Variants in MARK3 observed in about 807,000 individuals in gnomAD.
MARK3 encodes MAP/microtubule affinity-regulating kinase 3.
A neutral mutation model predicts 90.1 loss-of-function variants in MARK3; 46 were observed. That is an observed-to-expected ratio of 0.51 (90% CI 0.40 to 0.65). The LOEUF is 0.65. MARK3 is among the 30% of genes least tolerant of loss of function. The pLI, the probability that MARK3 is intolerant of heterozygous loss-of-function variation, is 0.00. For synonymous variants in MARK3, 321 were observed against 332.6 expected (o/e 0.97, Z 0.38); for missense variants, 818 against 947.2 (o/e 0.86, Z 1.79).
At chr14:103,420,268 G>A (rs950373406) in intron 2 of MARK3, among the ~76,000 whole-genome samples, 1 of 151,570 alleles carries the variant, frequency 6.6e-6, no homozygotes, top group African/African-American at 2.4e-5. Context: ...TTGCTCTGTC[G>A]CCCAGCCTGG....
chr14:103,389,296 A>C (rs2090044480), intron 1 of MARK3, among the ~76,000 whole-genome samples: 1 of 151,422 alleles, frequency 6.6e-6, no homozygotes, highest in Non-Finnish European at 1.5e-5. Flanking sequence ...CCTGGGAGGC[A>C]GAGCTTGCAG....
At chr14:103,396,357 C>G (rs1320009578) in intron 1 of MARK3, among the ~76,000 whole-genome samples, 1 of 151,984 alleles carries the variant, frequency 6.6e-6, no homozygotes, top group African/African-American at 2.4e-5. Flanking sequence ...AAGTCATTTT[C>G]CTTCTTTTTT....
intron 14 of MARK3, among the ~76,000 whole-genome samples, chr14:103,488,719 G>A (rs1438067520): frequency 1.3e-5 from 2 of 152,170 alleles, no homozygotes; most frequent in Non-Finnish European, 2.9e-5. Flanking sequence ...GCCAGGCATA[G>A]TGGCACACTC....
chr14:103,390,988 G>A (rs34161327), intron 1 of MARK3, among the ~76,000 whole-genome samples: 43,091 of 152,058 alleles, frequency 0.28, 7,279 homozygotes, highest in Non-Finnish European at 0.36. Context: ...TGGAATTACA[G>A]GTGTGAGCCA....
At chr14:103,473,025 C>G (rs942664294) in intron 12 of MARK3, among the ~76,000 whole-genome samples, 4 of 148,676 alleles carry the variant, frequency 2.7e-5, no homozygotes, top group Admixed American at 1.3e-4. Flanking sequence ...AAAAAAGGAA[C>G]AAACTATGAT....
chr14:103,494,425 C>T (rs996822105), intron 15 of MARK3, among the ~76,000 whole-genome samples: 1 of 149,828 alleles, frequency 6.7e-6, no homozygotes, highest in African/African-American at 2.5e-5. Flanking sequence ...GTGGCACATG[C>T]CTGTAATCCC....
intron 6 of MARK3, among the ~76,000 whole-genome samples, chr14:103,459,705 G>C (rs2093356243): frequency 6.6e-6 from 1 of 151,462 alleles, no homozygotes; most frequent in African/African-American, 2.4e-5. Flanking sequence ...TAGAGACAAG[G>C]TTTCACCAGT....
At chr14:103,429,618 A>C (rs1224463759) in intron 3 of MARK3, among the ~76,000 whole-genome samples, 4 of 152,222 alleles carry the variant, frequency 2.6e-5, no homozygotes, top group Admixed American at 2.6e-4. Context: ...TCTGCAACCC[A>C]TAATGGGCCT....
intron 15 of MARK3, among the ~76,000 whole-genome samples, chr14:103,493,267 T>TC (rs1280367399): frequency 6.9e-6 from 1 of 145,908 alleles, no homozygotes; most frequent in African/African-American, 2.5e-5. Flanking sequence ...AATTTTTTTT[T>TC]TTTTTTTGAG....
intron 3 of MARK3, among the ~76,000 whole-genome samples, chr14:103,428,800 T>G (rs1377415695): frequency 6.6e-6 from 1 of 152,210 alleles, no homozygotes; most frequent in Admixed American, 6.5e-5. Context: ...TTGTGCAAAT[T>G]TGTACCTTAT....
intron 2 of MARK3, among the ~76,000 whole-genome samples, chr14:103,424,224 A>C (rs916264965): frequency 2.0e-5 from 3 of 151,786 alleles, no homozygotes; most frequent in Non-Finnish European, 2.9e-5. Flanking sequence ...GAAAAAAAAA[A>C]CGCAGAATCA....
At chr14:103,491,066 G>T (rs1354007924) in intron 14 of MARK3, 1 of 1,287,844 alleles carries the variant, frequency 7.8e-7, no homozygotes, top group Non-Finnish European at 1.0e-6. Context: ...CCAAGATGAT[G>T]TTACCTCCAA....
chr14:103,398,150 A>G (rs117821035), intron 1 of MARK3, among the ~76,000 whole-genome samples: 321 of 152,324 alleles, frequency 2.1e-3, no homozygotes, highest in Non-Finnish European at 3.6e-3. Flanking sequence ...CAACTCTGTC[A>G]CCACAAAAAA....
chr14:103,442,195 C>T (rs973785741), intron 3 of MARK3, among the ~76,000 whole-genome samples: 4 of 151,962 alleles, frequency 2.6e-5, no homozygotes, highest in East Asian at 1.9e-4. Context: ...GGTGAAGCCC[C>T]GTCTCTACTA....
intron 15 of MARK3, among the ~76,000 whole-genome samples, chr14:103,497,007 A>T (rs2075385293): frequency 6.6e-6 from 1 of 152,164 alleles, no homozygotes; most frequent in African/African-American, 2.4e-5. Flanking sequence ...ACACCACTGT[A>T]CTCCAGCCTG....
chr14:103,464,413 C>T (rs1490150867), intron 7 of MARK3, among the ~76,000 whole-genome samples: 1 of 150,196 alleles, frequency 6.7e-6, no homozygotes, highest in Non-Finnish European at 1.5e-5. Flanking sequence ...ATTCTCCTGC[C>T]TCAGCCTCTC....
Position 103,492,002 on chromosome 14 carries a change from CTT to C in MARK3, c.1814_1815del (p.Phe605Ter). 6.2e-7 allele frequency: 1 copy of C among 1,614,194 alleles called. No individual in the cohort carries two copies. The highest frequency in any genetic ancestry group is 1.1e-5 in the South Asian group (1 of 91,084). ...CTCGAAGCCGAGGCTCCACTAATCT[CTT>C]TAGTAAATTAACTTCAAAACTCACA... is the stretch of plus-strand genomic sequence containing the variant. ...QTRSRGSTNL[F>X]SKLTSKLTRR... On this transcript the variant is annotated frameshift_variant, in exon 15 of 18. Transcript: ENST00000429436. LOFTEE classifies it high-confidence loss of function.
At chr14:103,440,002 C>G (rs1213922823) in intron 3 of MARK3, among the ~76,000 whole-genome samples, 5 of 152,138 alleles carry the variant, frequency 3.3e-5, no homozygotes, top group Non-Finnish European at 5.9e-5. Context: ...CCAGGCTGGT[C>G]TCGAACTCCT....
chr14:103,470,366 C>A (rs1049042548), intron 12 of MARK3, among the ~76,000 whole-genome samples: 2 of 151,212 alleles, frequency 1.3e-5, no homozygotes, highest in African/African-American at 4.9e-5. Context: ...CTGAGGCTAG[C>A]GTGTGTGTTT....
Sources: allele counts gnomAD v4.1 joint callset (sites outside exome capture counted in the v4.1 genomes callset), GRCh38; gene constraint gnomAD v4.1.1; transcripts MANE v1.5; gene names NCBI Gene and HGNC (gene_info 2026-07-23, HGNC 2026-07-21).